Variants in SLC25A13 observed in about 807,000 individuals in gnomAD.
The protein encoded by SLC25A13 is electrogenic aspartate/glutamate antiporter SLC25A13, mitochondrial.
SLC25A13 carries 70 observed loss-of-function variants against 85.5 expected under a neutral mutation model. The observed-to-expected ratio is 0.82, with a 90% CI of 0.68 to 1.00. SLC25A13 has a LOEUF of 1.00. Among genes scored for constraint, SLC25A13 ranks in the 50% least tolerant of loss-of-function variants. The pLI, the probability that SLC25A13 is intolerant of heterozygous loss-of-function variation, is 0.00. For synonymous variants in SLC25A13, 259 were observed against 288.7 expected (o/e 0.90, Z 1.04); for missense variants, 765 against 819.8 (o/e 0.93, Z 0.82).
intron 1 of SLC25A13, among the ~76,000 whole-genome samples, chr7:96,316,357 A>G (rs1800126614): frequency 6.6e-6 from 1 of 152,204 alleles, no homozygotes; most frequent in Admixed American, 6.5e-5. Context: ...GATGAGAAAT[A>G]CACTTAATAA....
At chr7:96,189,755 G>T (rs762204097) in intron 7 of SLC25A13, 81 bp from the exon 8 acceptor site, 6 of 1,098,174 alleles carry the variant, frequency 5.5e-6, no homozygotes, top group Non-Finnish European at 8.4e-6. Flanking sequence ...GCACTGGAAT[G>T]AGTGAACATC....
intron 13 of SLC25A13, among the ~76,000 whole-genome samples, chr7:96,157,714 T>C (rs896078725): frequency 6.6e-6 from 1 of 152,068 alleles, no homozygotes; most frequent in Non-Finnish European, 1.5e-5. Flanking sequence ...TGAGGCAGAA[T>C]TGCTTGAACC....
chr7:96,295,332 A>G (rs764557870), intron 2 of SLC25A13, among the ~76,000 whole-genome samples: 2 of 152,326 alleles, frequency 1.3e-5, no homozygotes, highest in Non-Finnish European at 2.9e-5. Flanking sequence ...CTGGGCAACA[A>G]GAGTGAAACT....
At chr7:96,212,756 C>T (rs989706584) in intron 4 of SLC25A13, among the ~76,000 whole-genome samples, 1 of 152,108 alleles carries the variant, frequency 6.6e-6, no homozygotes, top group African/African-American at 2.4e-5. Context: ...TATTTTAAAG[C>T]CCCCGGGGCA....
chr7:96,154,163 A>G (rs1201266245), intron 13 of SLC25A13, among the ~76,000 whole-genome samples: 1 of 152,190 alleles, frequency 6.6e-6, no homozygotes, highest in Middle Eastern at 3.2e-3. Context: ...TGAATAAAAA[A>G]TCGTGTAGAG....
intron 3 of SLC25A13, among the ~76,000 whole-genome samples, chr7:96,255,414 G>A (rs757793983): frequency 5.9e-5 from 9 of 152,164 alleles, no homozygotes; most frequent in Non-Finnish European, 1.0e-4. Flanking sequence ...AGCTAGGTGC[G>A]GTAGCTCACA....
intron 4 of SLC25A13, chr7:96,219,574 C>T (rs145922961): frequency 7.6e-5 from 33 of 434,136 alleles, no homozygotes; most frequent in African/African-American, 6.1e-4. Context: ...ATAAACTATA[C>T]TCAGCCATTG....
chr7:96,267,331 G>A (rs964281228), intron 3 of SLC25A13, among the ~76,000 whole-genome samples: 3 of 152,044 alleles, frequency 2.0e-5, no homozygotes, highest in Non-Finnish European at 4.4e-5. Context: ...TCTTTAAAAG[G>A]CCATATATTC....
intron 13 of SLC25A13, among the ~76,000 whole-genome samples, chr7:96,158,197 C>A (rs1793362848): frequency 6.6e-6 from 1 of 152,160 alleles, no homozygotes; most frequent in Non-Finnish European, 1.5e-5. Flanking sequence ...TGAACATTTT[C>A]TTGAGACTTC....
chr7:96,176,839 CG>C (rs879718448), intron 11 of SLC25A13, among the ~76,000 whole-genome samples: 5 of 152,142 alleles, frequency 3.3e-5, no homozygotes, highest in Admixed American at 2.0e-4. Context: ...CTATTTCCAA[CG>C]GGCTGGCAGC....
At chr7:96,310,150 C>T (rs973174139) in intron 1 of SLC25A13, among the ~76,000 whole-genome samples, 2 of 152,200 alleles carry the variant, frequency 1.3e-5, no homozygotes, top group Non-Finnish European at 2.9e-5. Flanking sequence ...TATGGCAGCC[C>T]TAGCAAACTA....
At chr7:96,247,813 A>T (rs548786392) in intron 3 of SLC25A13, among the ~76,000 whole-genome samples, 14 of 152,292 alleles carry the variant, frequency 9.2e-5, no homozygotes, top group African/African-American at 3.1e-4. Context: ...CAAGCTAATT[A>T]ACACATGCAC....
intron 14 of SLC25A13, 95 bp downstream of exon 14, chr7:96,146,461 A>G: frequency 3.9e-6 from 6 of 1,521,076 alleles, no homozygotes; most frequent in Non-Finnish European, 4.5e-6. Flanking sequence ...AGGTGTAGAA[A>G]TGCAAAAAAA....
chr7:96,262,276 C>T (rs139862536), intron 3 of SLC25A13, among the ~76,000 whole-genome samples: 1 of 152,212 alleles, frequency 6.6e-6, no homozygotes, highest in Non-Finnish European at 1.5e-5. Flanking sequence ...GCAAATCAAA[C>T]AATTAATCCA....
intron 3 of SLC25A13, among the ~76,000 whole-genome samples, chr7:96,272,671 C>T (rs369137706): frequency 4.9e-4 from 75 of 152,262 alleles, no homozygotes; most frequent in African/African-American, 1.5e-3. Context: ...AGTTATGAGA[C>T]GCTTTGCCTG....
rs578037007 is a variant in SLC25A13, at chr7:96,256,471, A to C, written c.212+20725T>G. ...CCAACAGAGATCCAAAAAGACAAAG[A>C]AGGGCATTATATAATGATAAAGGGA... On this transcript the variant is annotated intron_variant, in intron 3 of 17. Coordinates refer to ENST00000265631, the MANE Select transcript of SLC25A13 (RefSeq NM_014251.3). 3.9e-5 allele frequency among the ~76,000 whole-genome samples: 6 copies of C among 152,258 alleles called. No homozygotes were observed. In the East Asian group the frequency reaches 7.7e-4, roughly 20 times the overall value.
intron 1 of SLC25A13, among the ~76,000 whole-genome samples, chr7:96,320,761 G>A (rs1192190992): frequency 6.6e-6 from 1 of 152,182 alleles, no homozygotes; most frequent in Non-Finnish European, 1.5e-5. Context: ...ACAACATGAA[G>A]AAGCCTACGG....
chr7:96,130,338 G>A (rs1005381432), intron 15 of SLC25A13, among the ~76,000 whole-genome samples: 14 of 152,132 alleles, frequency 9.2e-5, no homozygotes, highest in African/African-American at 3.1e-4. Flanking sequence ...AGATTCTTTT[G>A]GATTCAATGT....
At chr7:96,321,697 C>G (rs1267398968) in intron 1 of SLC25A13, among the ~76,000 whole-genome samples, 3 of 152,196 alleles carry the variant, frequency 2.0e-5, no homozygotes, top group Admixed American at 6.5e-5. Flanking sequence ...CCCTCCCCGG[C>G]CAAGTGGGAG....
Sources: gnomAD v4.1 joint callset for allele counts (sites outside exome capture counted in the v4.1 genomes callset) on GRCh38, gnomAD v4.1.1 for gene constraint, MANE v1.5 for transcripts, NCBI Gene and HGNC (gene_info 2026-07-23, HGNC 2026-07-21) for gene names.